PDE10A: variants seen among roughly 807,000 people sequenced by gnomAD.
The protein encoded by PDE10A is cAMP and cAMP-inhibited cGMP 3',5'-cyclic phosphodiesterase 10A.
PDE10A carries 39 observed loss-of-function variants against 97.7 expected under a neutral mutation model. The ratio of observed to expected loss-of-function variants is 0.40; its 90% CI spans 0.31 to 0.52. The LOEUF is 0.52. Ranked by LOEUF, PDE10A falls within the 20% of genes least tolerant of loss-of-function variation. The pLI, the probability that PDE10A is intolerant of heterozygous loss-of-function variation, is 0.56. For synonymous variants in PDE10A, 371 were observed against 376.8 expected, an observed-to-expected ratio of 0.98 and a Z score of 0.18; for missense variants, 731 against 1,047.8, an observed-to-expected ratio of 0.70 and a Z score of 4.17.
At chr6:165,647,205 G>C (rs1252730932) in intron 1 of PDE10A, among the ~76,000 whole-genome samples, 1 of 152,200 alleles carries the variant, frequency 6.6e-6, no homozygotes, top group Non-Finnish European at 1.5e-5. Context: ...AGTCACAGAG[G>C]GAAACCATAC....
intron 1 of PDE10A, among the ~76,000 whole-genome samples, chr6:165,806,672 G>C (rs998663343): frequency 1.3e-5 from 2 of 151,214 alleles, no homozygotes; most frequent in African/African-American, 4.9e-5. Context: ...CTCTTCTTTA[G>C]ACTTTGATGA....
chr6:165,759,729 G>T (rs1207709177), intron 1 of PDE10A, among the ~76,000 whole-genome samples: 2 of 152,184 alleles, frequency 1.3e-5, no homozygotes, highest in African/African-American at 2.4e-5. Context: ...TTTCCCTAAA[G>T]GTGAGCTAAT....
At position 165,470,286 on chromosome 6, in the gene PDE10A, T is replaced by C. The variant is rs527512462; in HGVS notation, c.1023+12029A>G. ...AACCATAGCGACAGGTAACGAGAAC[T>C]GACTCCACGTAATTCTAACTTATGT... On this transcript the variant is annotated intron_variant, in intron 3 of 21. Coordinates refer to ENST00000539869, the MANE Select transcript of PDE10A (RefSeq NM_001385079.1). 2.6e-5 allele frequency among the ~76,000 whole-genome samples: 4 copies of C among 152,332 alleles called. No individual in the cohort carries two copies. In the East Asian group the frequency reaches 7.7e-4, roughly 29 times the overall value.
intron 3 of PDE10A, among the ~76,000 whole-genome samples, chr6:165,479,152 C>A (rs922358896): frequency 3.3e-5 from 5 of 152,102 alleles, no homozygotes; most frequent in African/African-American, 1.2e-4. Flanking sequence ...GTTTACCCTC[C>A]CATAAACAAA....
chr6:165,627,261 C>T (rs765952310), intron 1 of PDE10A, among the ~76,000 whole-genome samples: 1 of 152,176 alleles, frequency 6.6e-6, no homozygotes, highest in Non-Finnish European at 1.5e-5. Flanking sequence ...AGCCACCACA[C>T]GTGGCCCTGT....
chr6:165,587,460 G>A (rs1785983946), intron 1 of PDE10A, among the ~76,000 whole-genome samples: 1 of 152,062 alleles, frequency 6.6e-6, no homozygotes, highest in Non-Finnish European at 1.5e-5. Flanking sequence ...AGTTATTTTT[G>A]CTGTAAAATT....
chr6:165,574,909 G>A (rs1343037776), intron 1 of PDE10A, among the ~76,000 whole-genome samples: 2 of 152,178 alleles, frequency 1.3e-5, no homozygotes, highest in Non-Finnish European at 2.9e-5. Context: ...GTGGGTTAGA[G>A]GTCATGCCAT....
Position 165,661,882 on chromosome 6 carries a change from C to T in PDE10A, c.865+65G>A. On this transcript the variant is annotated intron_variant, in intron 1 of 21. Coordinates refer to ENST00000539869, the MANE Select transcript of PDE10A (RefSeq NM_001385079.1). The surrounding 1 kb of genome is among the most constrained non-coding windows in gnomAD (Gnocchi z 4.8). The stretch of plus-strand genomic sequence containing the variant: ...CGCTTCCCACCCAGCAGTCCAAGCC[C>T]CCCACCTGCCCCCAGGGGATGAGGA... 2.7e-6 allele frequency: 2 copies of T among 735,534 alleles called. No individual in the cohort carries two copies. Among genetic ancestry groups the T allele is most frequent in the Non-Finnish European group, 4.8e-6 (2 of 419,758 alleles). 45.6% of individuals were successfully genotyped at this position (735,534 alleles called of 1,614,324 possible). A position where few individuals can be genotyped will look rare whatever the true frequency, so the allele number is the denominator to read the frequency against.
intron 1 of PDE10A, among the ~76,000 whole-genome samples, chr6:165,896,072 T>G (rs2128483263): frequency 6.6e-6 from 1 of 152,292 alleles, no homozygotes; most frequent in South Asian, 2.1e-4. Flanking sequence ...GGCCACATCC[T>G]GCCCGGGCCG....
At chr6:165,685,828 A>G (rs1292319834) in intron 1 of PDE10A, among the ~76,000 whole-genome samples, 3 of 152,216 alleles carry the variant, frequency 2.0e-5, no homozygotes, top group Admixed American at 6.5e-5. Context: ...GAAGGTCACA[A>G]TGTTCTCTGT....
chr6:165,845,386 A>C (rs1365793199), intron 1 of PDE10A, among the ~76,000 whole-genome samples: 1 of 152,226 alleles, frequency 6.6e-6, no homozygotes, highest in African/African-American at 2.4e-5. Flanking sequence ...TACAATTTAC[A>C]CCAAAATGTC....
intron 17 of PDE10A, among the ~76,000 whole-genome samples, chr6:165,385,307 A>C (rs1785230815): frequency 6.6e-6 from 1 of 151,724 alleles, no homozygotes; most frequent in Non-Finnish European, 1.5e-5. Flanking sequence ...AAGGCACCTA[A>C]ATAAGTATAA....
At chr6:165,438,338 G>T (rs995756666) in intron 5 of PDE10A, among the ~76,000 whole-genome samples, 19 of 152,214 alleles carry the variant, frequency 1.2e-4, no homozygotes, top group Admixed American at 6.5e-4. Flanking sequence ...ACAGGCATGT[G>T]CCACCACGCC....
At chr6:165,502,197 T>A (rs959415381) in intron 2 of PDE10A, among the ~76,000 whole-genome samples, 5 of 152,254 alleles carry the variant, frequency 3.3e-5, no homozygotes, top group Non-Finnish European at 5.9e-5. Flanking sequence ...GAGAATATAT[T>A]GAGTTAGGCA....
At chr6:165,687,967 C>T (rs565911644) in intron 1 of PDE10A, among the ~76,000 whole-genome samples, 4 of 152,294 alleles carry the variant, frequency 2.6e-5, no homozygotes, top group East Asian at 1.9e-4. Flanking sequence ...TAGATGTGAA[C>T]GAGGACGGCT....
At chr6:165,395,655 G>A (rs541657271) in intron 14 of PDE10A, among the ~76,000 whole-genome samples, 3 of 152,180 alleles carry the variant, frequency 2.0e-5, no homozygotes, top group African/African-American at 7.2e-5. Context: ...TTTTAACTGA[G>A]ATAACAATTT....
intron 1 of PDE10A, among the ~76,000 whole-genome samples, chr6:165,867,126 A>T (rs1781076819): frequency 1.3e-5 from 2 of 152,026 alleles, no homozygotes; most frequent in South Asian, 2.1e-4. Context: ...ATGTACAAAC[A>T]ATCAGAAAAT....
At chr6:165,845,923 A>G (rs920767641) in intron 1 of PDE10A, among the ~76,000 whole-genome samples, 1 of 152,204 alleles carries the variant, frequency 6.6e-6, no homozygotes, top group African/African-American at 2.4e-5. Flanking sequence ...TGATAAAAAA[A>G]CAAAACGAAA....
intron 2 of PDE10A, among the ~76,000 whole-genome samples, chr6:165,504,785 T>A (rs747033401): frequency 1.6e-4 from 25 of 152,328 alleles, no homozygotes; most frequent in Middle Eastern, 3.4e-3. Flanking sequence ...GCAGATATCA[T>A]AATTGGCTTA....
Sources: gnomAD v4.1 joint callset for allele counts (sites outside exome capture counted in the v4.1 genomes callset) on GRCh38, gnomAD v4.1.1 for gene constraint, Gnocchi (gnomAD v3.1) non-coding constraint, MANE v1.5 for transcripts, NCBI Gene and HGNC (gene_info 2026-07-23, HGNC 2026-07-21) for gene names.